The following DLGAP1 variants were observed in gnomAD, a reference collection of about 807,000 sequenced individuals.
The protein encoded by DLGAP1 is disks large-associated protein 1.
A neutral mutation model predicts 90.8 loss-of-function variants in DLGAP1; 11 were observed. The observed-to-expected ratio is 0.12, with a 90% CI of 0.08 to 0.20. The LOEUF is 0.20. Among genes scored for constraint, DLGAP1 ranks in the 10% least tolerant of loss-of-function variants. DLGAP1 has a pLI of 1.00. For synonymous variants in DLGAP1, 558 were observed against 540.7 expected (o/e 1.03, Z -0.44); for missense variants, 1,050 against 1,333.8 (o/e 0.79, Z 3.31).
rs545027978 is a variant in DLGAP1 at position 3,725,925 on chromosome 18, T to C, written c.1591+3210A>G. Among the ~76,000 whole-genome samples, 5 of 152,302 alleles carry C rather than the reference T, an allele frequency of 3.3e-5. No homozygotes were observed. The East Asian group carries it at 9.6e-4, about 29-fold the overall frequency. On this transcript the variant is annotated intron_variant, in intron 7 of 12. Coordinates refer to ENST00000315677, the MANE Select transcript of DLGAP1 (RefSeq NM_004746.4). ...ATCAGACTCTTGTCTGTGATTTCATTTTATGAATACGAATAAAGAACAAGG... is the reference window on the plus strand; with the variant it reads ...ATCAGACTCTTGTCTGTGATTTCATCTTATGAATACGAATAAAGAACAAGG...
intron 1 of DLGAP1, among the ~76,000 whole-genome samples, chr18:4,364,531 A>C (rs1248292362): frequency 6.6e-6 from 1 of 152,130 alleles, no homozygotes; most frequent in Non-Finnish European, 1.5e-5. Flanking sequence ...AATGGCAATA[A>C]AACATGGGAG....
At chr18:4,326,437 T>G (rs1598905666) in intron 1 of DLGAP1, among the ~76,000 whole-genome samples, 1 of 152,228 alleles carries the variant, frequency 6.6e-6, no homozygotes, top group East Asian at 1.9e-4. Context: ...GTGTGGCATA[T>G]CCTGAAAGAA....
chr18:3,856,946 G>C (rs2069684838), intron 4 of DLGAP1, among the ~76,000 whole-genome samples: 1 of 152,108 alleles, frequency 6.6e-6, no homozygotes, highest in East Asian at 1.9e-4. Context: ...TGAAGAAAGT[G>C]CTTGCTCTAT....
At chr18:3,832,913 C>T (rs2068111469) in intron 4 of DLGAP1, among the ~76,000 whole-genome samples, 1 of 152,138 alleles carries the variant, frequency 6.6e-6, no homozygotes, top group Non-Finnish European at 1.5e-5. Context: ...CCTTTGTACA[C>T]CCACTTGTCT....
chr18:4,129,113 T>A (rs1434343885), intron 2 of DLGAP1, among the ~76,000 whole-genome samples: 1 of 152,164 alleles, frequency 6.6e-6, no homozygotes, highest in African/African-American at 2.4e-5. Flanking sequence ...TTACACCTAA[T>A]TATTAAAATC....
At chr18:4,182,768 T>C (rs2077229917) in intron 1 of DLGAP1, among the ~76,000 whole-genome samples, 1 of 152,308 alleles carries the variant, frequency 6.6e-6, no homozygotes, top group South Asian at 2.1e-4. Flanking sequence ...GCCACCACAC[T>C]AGCACCTACA....
At chr18:3,535,102 G>GTGTA (rs1464361891) in intron 9 of DLGAP1, among the ~76,000 whole-genome samples, 2 of 150,014 alleles carry the variant, frequency 1.3e-5, no homozygotes, top group African/African-American at 5.0e-5. Flanking sequence ...GTGTGTGTGT[G>GTGTA]TGTGTGTGTG....
At chr18:4,162,892 T>C (rs2076869937) in intron 1 of DLGAP1, among the ~76,000 whole-genome samples, 1 of 150,308 alleles carries the variant, frequency 6.7e-6, no homozygotes, top group Non-Finnish European at 1.5e-5. Flanking sequence ...ACGCACACCA[T>C]TATCTGAAAT....
chr18:3,692,083 A>G (rs2060916943), intron 7 of DLGAP1, among the ~76,000 whole-genome samples: 1 of 152,212 alleles, frequency 6.6e-6, no homozygotes, highest in Non-Finnish European at 1.5e-5. Context: ...CTTAATCAAG[A>G]AAGAGCTATC....
intron 6 of DLGAP1, among the ~76,000 whole-genome samples, chr18:3,736,267 T>G (rs1306403144): frequency 1.3e-5 from 2 of 152,230 alleles, no homozygotes; most frequent in South Asian, 4.1e-4. Context: ...TACAATTCTT[T>G]CTTCTCAAGC....
rs186954114 is a variant in DLGAP1, at chr18:4,024,262, T to C, written c.-158-19061A>G. Reference sequence around the variant, plus strand: ...CAAAGTATTAGCATCAGAAAGATTCTCAGTATCAGGACTTGGAGGTCATGT... The same window carrying C: ...CAAAGTATTAGCATCAGAAAGATTCCCAGTATCAGGACTTGGAGGTCATGT... On this transcript the variant is annotated intron_variant, in intron 2 of 12. Transcript: ENST00000315677. Among the ~76,000 whole-genome samples the C allele has an allele frequency of 1.8e-3, 270 of 152,314 alleles. 1 individual carries two copies. The highest frequency in any genetic ancestry group is 6.8e-3 in the South Asian group (33 of 4,822).
intron 7 of DLGAP1, among the ~76,000 whole-genome samples, chr18:3,616,623 C>T (rs1195863610): frequency 4.6e-5 from 7 of 151,808 alleles, no homozygotes; most frequent in South Asian, 2.1e-4. Flanking sequence ...GCTGTGGTGG[C>T]GTGCACCTGT....
chr18:4,087,135 CATATATAT>C (rs1246770811), intron 2 of DLGAP1, among the ~76,000 whole-genome samples: 5 of 147,248 alleles, frequency 3.4e-5, no homozygotes, highest in Non-Finnish European at 7.4e-5. Flanking sequence ...CATTCTGAGA[CATATATAT>C]ATCTCAGAAG....
chr18:4,326,371 A>G (rs2080818224), intron 1 of DLGAP1, among the ~76,000 whole-genome samples: 1 of 152,122 alleles, frequency 6.6e-6, no homozygotes, highest in African/African-American at 2.4e-5. Context: ...GGTTGTCGAG[A>G]AAAACGAACA....
chr18:3,722,354 T>G (rs1437026580), intron 7 of DLGAP1: 1 of 152,212 alleles, frequency 6.6e-6, no homozygotes, highest in Non-Finnish European at 1.5e-5. Context: ...TATGACTTCC[T>G]AATATTATAG....
intron 2 of DLGAP1, among the ~76,000 whole-genome samples, chr18:4,111,149 T>G (rs920666035): frequency 6.6e-6 from 1 of 152,224 alleles, no homozygotes; most frequent in Non-Finnish European, 1.5e-5. Flanking sequence ...ATATACTTTT[T>G]CTGTGTCTAT....
intron 7 of DLGAP1, among the ~76,000 whole-genome samples, chr18:3,674,580 A>G (rs2060227606): frequency 6.6e-6 from 1 of 151,822 alleles, no homozygotes; most frequent in Admixed American, 6.6e-5. Context: ...TGATTGTGCC[A>G]TGGCACTTCA....
intron 2 of DLGAP1, among the ~76,000 whole-genome samples, chr18:4,039,686 C>T (rs544596018): frequency 3.9e-4 from 59 of 152,194 alleles, no homozygotes; most frequent in Non-Finnish European, 5.0e-4. Flanking sequence ...TAGAGTATGA[C>T]TCTTCAAATA....
intron 7 of DLGAP1, among the ~76,000 whole-genome samples, chr18:3,677,914 C>A (rs537994458): frequency 6.7e-6 from 1 of 149,340 alleles, no homozygotes; most frequent in East Asian, 2.0e-4. Context: ...CTGCCTCAGC[C>A]TCCCAAAGTG....
Sources: gnomAD v4.1 joint callset for allele counts (sites outside exome capture counted in the v4.1 genomes callset) on GRCh38, gnomAD v4.1.1 for gene constraint, MANE v1.5 for transcripts, NCBI Gene and HGNC (gene_info 2026-07-23, HGNC 2026-07-21) for gene names.